The following CGREF1 variants were observed in gnomAD, a reference collection of about 807,000 sequenced individuals.
CGREF1 encodes cell growth regulator with EF-hand domain 1.
Under a neutral mutation model 17.4 loss-of-function variants are expected in CGREF1, and 16 were observed. The ratio of observed to expected loss-of-function variants is 0.92; its 90% confidence interval spans 0.62 to 1.40. CGREF1 has a LOEUF of 1.40. CGREF1 is among the 40% of genes most tolerant of loss of function. The pLI is 0.00. For missense variants in CGREF1, 296 were observed against 376.4 expected (o/e 0.79, Z 1.77); for synonymous variants, 142 against 154.6 (o/e 0.92, Z 0.61).
intron 1 of CGREF1, among the ~76,000 whole-genome samples, chr2:27,114,559 G>C (rs980509972): frequency 1.3e-5 from 2 of 152,162 alleles, no homozygotes; most frequent in Non-Finnish European, 2.9e-5. Context: ...TGACTTCCAA[G>C]TCCAAGTAAT....
intron 1 of CGREF1, among the ~76,000 whole-genome samples, chr2:27,116,871 T>TTCCCTCTCTC (rs1416671829): frequency 3.0e-5 from 1 of 33,680 alleles, no homozygotes. Context: ...GCCAGGCCTA[T>TTCCCTCTCTC]TCTCTCTCTC....
chr2:27,104,522 A>G (rs1671042245), intron 1 of CGREF1, 145 bp from the exon 2 acceptor site: 1 of 1,550,856 alleles, frequency 6.4e-7, no homozygotes, highest in Non-Finnish European at 8.7e-7. Context: ...GAGGACTCAC[A>G]GACAGACAGC....
intron 5 of CGREF1, 37 bp downstream of exon 5, chr2:27,102,060 C>G: frequency 8.2e-6 from 13 of 1,578,850 alleles, no homozygotes; most frequent in Non-Finnish European, 1.1e-5. Flanking sequence ...AGTGCTGGGT[C>G]TCCTTTATGC....
intron 1 of CGREF1, among the ~76,000 whole-genome samples, chr2:27,115,229 G>A (rs1182169094): frequency 1.3e-5 from 2 of 152,028 alleles, no homozygotes; most frequent in African/African-American, 2.4e-5. Flanking sequence ...TTTTTGCACC[G>A]AGCCCTGCAA....
intron 1 of CGREF1, among the ~76,000 whole-genome samples, chr2:27,111,732 G>A (rs1444907765): frequency 1.3e-5 from 2 of 151,994 alleles, no homozygotes; most frequent in African/African-American, 4.8e-5. Context: ...CTCACTGCCC[G>A]GGGCCGGCGG....
Position 27,100,999 on chromosome 2 carries a change from C to T in CGREF1, c.*275G>A. On this transcript the variant is annotated 3_prime_UTR_variant, in exon 6 of 6. Coordinates refer to ENST00000402394, the MANE Select transcript of CGREF1 (RefSeq NM_006569.6). ...CCCAGAAACACTGGGCAGGCGGCAT[C>T]CCTGTCCTTTCGGTCCCCAACCCCG... The T allele has an allele frequency of 3.2e-6, 4 of 1,256,038 alleles. No homozygotes were observed. The highest frequency in any genetic ancestry group is 4.0e-6 in the Non-Finnish European group (4 of 1,001,212). The allele number at this position is 1,256,038 out of a possible 1,614,324, so 77.8% of individuals were successfully genotyped here.
Position 27,104,395 on chromosome 2 carries a change from A to G in CGREF1, c.-11-18T>C, listed in dbSNP as rs560633978. The G allele has an allele frequency of 6.2e-7, 1 of 1,613,206 alleles. No individual in the cohort carries two copies. The highest frequency in any genetic ancestry group is 1.1e-5 in the South Asian group (1 of 90,756). ...TCCTGGAACTGGAACAAGGAAGAGA[A>G]TCAGGGGTCGGGGGAAAGAGGCGTC... On this transcript the variant is annotated intron_variant, in intron 1 of 5. Transcript: ENST00000402394.
At chr2:27,099,530 G>C (rs2148371236), downstream of CGREF1, 4 of 1,614,170 alleles carry the variant, frequency 2.5e-6, no homozygotes, top group East Asian at 8.9e-5. Context: ...GATACACTGG[G>C]AGCTGGAGAC....
rs748343497 is a variant in CGREF1 at position 27,101,551 on chromosome 2, C to A, written c.680G>T (p.Gly227Val). The A allele has an allele frequency of 1.2e-6, 2 of 1,612,660 alleles. No individual in the cohort carries two copies. The highest frequency in any genetic ancestry group is 1.7e-6 in the Non-Finnish European group (2 of 1,179,770). ...GGCATCTCCTTTAGCCTCTGCCTGG[C>A]CCTCAGCTTCCCCTCTGGGCCCTGG... ...DVPGPRGEAE[G>V]QAEAKGDAPG... The change falls in exon 6 of 6, where the codon GGC (glycine) becomes GTC (valine). Residue 227 changes from glycine (G) to valine (V), a missense_variant. By Grantham distance (109) the Gly-to-Val change is moderately radical. Coordinates refer to ENST00000402394, the MANE Select transcript of CGREF1 (RefSeq NM_006569.6).
chr2:27,103,144 C>T, intron 2 of CGREF1: 15 of 981,544 alleles, frequency 1.5e-5, no homozygotes, highest in Non-Finnish European at 1.8e-5. Context: ...CACTTCTGGA[C>T]TGGGTTAACT....
In CGREF1 at chr2:27,104,495, C is replaced by T. The variant is rs1558460076; in HGVS notation, c.-11-118G>A. 1.0e-5 allele frequency: 16 copies of T among 1,551,944 alleles called. No individual in the cohort carries two copies. The South Asian group carries it at 1.1e-4, about 10-fold the overall frequency. On this transcript the variant is annotated intron_variant, in intron 1 of 5. Transcript: ENST00000402394. The stretch of plus-strand genomic sequence containing the variant: ...CTGCTTCTACCTGCAGCCCCAAAGA[C>T]AGGACTCCTGCTCAGGGAGGACTCA...
intron 1 of CGREF1, among the ~76,000 whole-genome samples, chr2:27,106,125 G>A (rs952709283): frequency 1.2e-4 from 19 of 152,192 alleles, no homozygotes; most frequent in Admixed American, 8.5e-4. Context: ...AAAAAGGATG[G>A]ACTAGAAAAA....
chr2:27,113,271 C>T (rs754659599), intron 1 of CGREF1, among the ~76,000 whole-genome samples: 1 of 152,142 alleles, frequency 6.6e-6, no homozygotes, highest in African/African-American at 2.4e-5. Context: ...TTCTGGCTCC[C>T]TGGCCTGGGT....
At chr2:27,100,321 C>T, downstream of CGREF1, 2 of 818,332 alleles carry the variant, frequency 2.4e-6, no homozygotes, top group Non-Finnish European at 3.5e-6. Context: ...TCTGCCCTGC[C>T]CACCAGCCTG....
intron 1 of CGREF1, 119 bp from the exon 2 acceptor site, chr2:27,104,496 A>G: frequency 1.3e-6 from 2 of 1,551,998 alleles, no homozygotes; most frequent in East Asian, 2.4e-5. Flanking sequence ...CCCCAAAGAC[A>G]GGACTCCTGC....
intron 1 of CGREF1, among the ~76,000 whole-genome samples, chr2:27,113,949 C>T (rs563521547): frequency 4.0e-5 from 6 of 148,286 alleles, no homozygotes; most frequent in Admixed American, 3.3e-4. Context: ...TGTCAAAACT[C>T]ATCATCCAGC....
At chr2:27,112,149 C>T (rs1349102205) in intron 1 of CGREF1, among the ~76,000 whole-genome samples, 2 of 152,188 alleles carry the variant, frequency 1.3e-5, no homozygotes, top group Middle Eastern at 3.4e-3. Context: ...TGGTGGTGCA[C>T]GCCTGTAGTC....
intron 1 of CGREF1, among the ~76,000 whole-genome samples, chr2:27,117,939 C>T (rs1671646362): frequency 6.6e-6 from 1 of 152,130 alleles, no homozygotes; most frequent in African/African-American, 2.4e-5. Flanking sequence ...AGGATGGTAT[C>T]GATTTCCTGA....
chr2:27,118,279 G>C (rs1671662659), intron 1 of CGREF1, among the ~76,000 whole-genome samples: 1 of 152,138 alleles, frequency 6.6e-6, no homozygotes, highest in African/African-American at 2.4e-5. Flanking sequence ...TCACAGGCCG[G>C]CAGTTCCATC....
Sources: gnomAD v4.1 joint callset for allele counts (sites outside exome capture counted in the v4.1 genomes callset) on GRCh38, gnomAD v4.1.1 for gene constraint, MANE v1.5 for transcripts, NCBI Gene and HGNC (gene_info 2026-07-23, HGNC 2026-07-21) for gene names.